DSCAM: variants seen among roughly 807,000 people sequenced by gnomAD.
The protein encoded by DSCAM is cell adhesion molecule DSCAM.
In DSCAM, 47 loss-of-function variants were observed where a neutral mutation model predicts 217.7. The ratio of observed to expected loss-of-function variants is 0.22; its 90% CI spans 0.17 to 0.28. The LOEUF is 0.28. Ranked by LOEUF, DSCAM falls within the 10% of genes least tolerant of loss-of-function variation. The pLI is 1.00. For synonymous variants in DSCAM, 1,056 were observed against 1,015.3 expected (o/e 1.04, Z -0.76); for missense variants, 2,080 against 2,618.3 (o/e 0.79, Z 4.49).
chr21:40,056,211 G>T (rs1397350307), intron 28 of DSCAM, among the ~76,000 whole-genome samples: 1 of 152,150 alleles, frequency 6.6e-6, no homozygotes, highest in Non-Finnish European at 1.5e-5. Flanking sequence ...TGATGGTGAG[G>T]AATAAAGCAC....
intron 3 of DSCAM, among the ~76,000 whole-genome samples, chr21:40,679,126 G>A (rs1384664660): frequency 6.6e-6 from 1 of 152,204 alleles, no homozygotes; most frequent in Admixed American, 6.5e-5. Flanking sequence ...CTTGGGAGGA[G>A]AGGCTGATGT....
chr21:40,282,403 C>T (rs1050889384), intron 10 of DSCAM, among the ~76,000 whole-genome samples: 4 of 151,272 alleles, frequency 2.6e-5, no homozygotes, highest in East Asian at 1.9e-4. Context: ...CTAGCTAACA[C>T]GGTGAAACCC....
intron 2 of DSCAM, among the ~76,000 whole-genome samples, chr21:40,697,617 T>C (rs1354345782): frequency 6.6e-6 from 1 of 152,240 alleles, no homozygotes; most frequent in Non-Finnish European, 1.5e-5. Flanking sequence ...GTGTTCATGG[T>C]ACCTTTGTCA....
At position 40,563,686 on chromosome 21, in the gene DSCAM, A is replaced by G. The variant is rs1055787800; in HGVS notation, c.508+129124T>C. ...TGTTTATATATATGTTTATATGTTT[A>G]TATATAGTTATATGTGTGTATATAG... On this transcript the variant is annotated intron_variant, in intron 3 of 32. Coordinates refer to ENST00000400454, the MANE Select transcript of DSCAM (RefSeq NM_001389.5). Among the ~76,000 whole-genome samples, 58 of 63,404 alleles carry G rather than the reference A, an allele frequency of 9.1e-4. 1 individual carries two copies. Among genetic ancestry groups the G allele is most frequent in the African/African-American group, 4.7e-3 (58 of 12,468 alleles). The allele number at this position is 63,404 out of a possible 152,430, so 41.6% of individuals were successfully genotyped here.
chr21:40,016,140 G>T lies in DSCAM; in HGVS notation c.5687-2754C>A, dbSNP rs2088153559. On this transcript the variant is annotated intron_variant, in intron 32 of 32. Coordinates refer to ENST00000400454, the MANE Select transcript of DSCAM (RefSeq NM_001389.5). This position sits in a 1 kb window ranked among gnomAD's most constrained non-coding sequence, Gnocchi z 4.3. ...GGAGCGAGGGCCCAGGGTAAAGGAT[G>T]TGCAGGGAGAGAGATATGATGATGG... Among the ~76,000 whole-genome samples the T allele has an allele frequency of 6.6e-6, 1 of 152,178 alleles. No individual in the cohort carries two copies.
intron 3 of DSCAM, among the ~76,000 whole-genome samples, chr21:40,433,124 T>C (rs2145899716): frequency 6.6e-6 from 1 of 151,858 alleles, no homozygotes; most frequent in East Asian, 1.9e-4. Flanking sequence ...TTTGAGAGGC[T>C]GAGGTGGGTG....
At chr21:40,278,595 G>A (rs988674381) in intron 10 of DSCAM, among the ~76,000 whole-genome samples, 5 of 152,050 alleles carry the variant, frequency 3.3e-5, no homozygotes, top group African/African-American at 1.2e-4. Flanking sequence ...AGCTGGACAT[G>A]TTGGGTCATG....
chr21:40,606,006 G>A (rs997648051), intron 3 of DSCAM, among the ~76,000 whole-genome samples: 1 of 151,792 alleles, frequency 6.6e-6, no homozygotes, highest in African/African-American at 2.4e-5. Flanking sequence ...TCACCATGCT[G>A]GCCAGGCTGG....
At chr21:40,517,237 C>A (rs2076308479) in intron 3 of DSCAM, among the ~76,000 whole-genome samples, 1 of 149,298 alleles carries the variant, frequency 6.7e-6, no homozygotes, top group African/African-American at 2.5e-5. Flanking sequence ...TCCACACACA[C>A]ACCTTATGTG....
At chr21:40,020,344 A>ACTTCCTTC (rs1034041453) in intron 32 of DSCAM, among the ~76,000 whole-genome samples, 2 of 152,130 alleles carry the variant, frequency 1.3e-5, no homozygotes, top group Non-Finnish European at 2.9e-5. Context: ...ATGAAAACTA[A>ACTTCCTTC]CTTCCTTCCT....
intron 6 of DSCAM, 142 bp from the exon 7 acceptor site, chr21:40,339,557 A>G (rs1301846724): frequency 1.2e-6 from 1 of 814,384 alleles, no homozygotes; most frequent in East Asian, 2.7e-5. Context: ...ATAAAGCAAA[A>G]CGTTAATCAG....
intron 21 of DSCAM, among the ~76,000 whole-genome samples, chr21:40,092,537 T>G (rs1021103846): frequency 1.3e-5 from 2 of 152,190 alleles, no homozygotes; most frequent in East Asian, 3.8e-4. Context: ...CCCCACTGAG[T>G]AAGTCATACC....
chr21:40,620,570 A>G (rs1223696707), intron 3 of DSCAM, among the ~76,000 whole-genome samples: 1 of 149,682 alleles, frequency 6.7e-6, no homozygotes, highest in Non-Finnish European at 1.5e-5. Context: ...AATATAATGG[A>G]AAAAAAGAAA....
At chr21:40,322,190 T>C (rs2074267093) in intron 8 of DSCAM, among the ~76,000 whole-genome samples, 1 of 152,204 alleles carries the variant, frequency 6.6e-6, no homozygotes, top group Non-Finnish European at 1.5e-5. Context: ...GACCTTCTGC[T>C]GCCCCTCGCC....
At chr21:40,502,141 TA>T (rs556081571) in intron 3 of DSCAM, among the ~76,000 whole-genome samples, 159 of 152,306 alleles carry the variant, frequency 1.0e-3, no homozygotes, top group African/African-American at 3.5e-3. Context: ...ATTATTAATA[TA>T]GGCAACAAAC....
intron 3 of DSCAM, among the ~76,000 whole-genome samples, chr21:40,402,003 T>C (rs1038304830): frequency 6.6e-6 from 1 of 151,784 alleles, no homozygotes; most frequent in Non-Finnish European, 1.5e-5. Flanking sequence ...GGAACATTTA[T>C]GATTTCTAAA....
chr21:40,532,890 G>A lies in DSCAM; in HGVS notation c.508+159920C>T, dbSNP rs536936141. ...GCTCTGTGTGTGTGTGTGTGTGTGTGTGTGTGTGTGTGTGTGTGTGCACAC... is the reference window on the plus strand; with the variant it reads ...GCTCTGTGTGTGTGTGTGTGTGTGTATGTGTGTGTGTGTGTGTGTGCACAC... On this transcript the variant is annotated intron_variant, in intron 3 of 32. Transcript: ENST00000400454. 5.7e-3 allele frequency among the ~76,000 whole-genome samples: 867 copies of A among 151,454 alleles called. 14 individuals carry two copies. Among genetic ancestry groups the A allele is most frequent in the African/African-American group, 0.018 (755 of 41,152 alleles).
At chr21:40,075,798 A>AG (rs1450845801) in intron 26 of DSCAM, among the ~76,000 whole-genome samples, 1 of 152,182 alleles carries the variant, frequency 6.6e-6, no homozygotes, top group African/African-American at 2.4e-5. Flanking sequence ...GGACCCAACT[A>AG]GGTTTCTAAA....
chr21:40,670,923 A>G (rs1441951656), intron 3 of DSCAM, among the ~76,000 whole-genome samples: 1 of 152,242 alleles, frequency 6.6e-6, no homozygotes, highest in African/African-American at 2.4e-5. Flanking sequence ...AGCCAAATGT[A>G]CTTTTGTCAT....
Sources: gnomAD v4.1 joint callset for allele counts (sites outside exome capture counted in the v4.1 genomes callset) on GRCh38, gnomAD v4.1.1 for gene constraint, Gnocchi (gnomAD v3.1) non-coding constraint, MANE v1.5 for transcripts, NCBI Gene and HGNC (gene_info 2026-07-23, HGNC 2026-07-21) for gene names.